Variants in RNFT2 observed in about 807,000 individuals in gnomAD.
The protein encoded by RNFT2 is E3 ubiquitin-protein ligase RNFT2.
Under a neutral mutation model 53.0 loss-of-function variants are expected in RNFT2, and 36 were observed. The ratio of observed to expected loss-of-function variants is 0.68; its 90% CI spans 0.52 to 0.90. RNFT2 has a LOEUF of 0.90. Among genes scored for constraint, RNFT2 ranks in the 40% least tolerant of loss-of-function variants. The probability of loss-of-function intolerance (pLI) is 0.00; values close to 1 mark genes in which losing one functional copy is unlikely to be tolerated. For synonymous variants in RNFT2, 260 were observed against 253.2 expected (o/e 1.03, Z -0.26); for missense variants, 514 against 585.6 (o/e 0.88, Z 1.26).
At position 116,845,564 on chromosome 12, in the gene RNFT2, A is replaced by G. The variant is rs185730655; in HGVS notation, c.1201-3750A>G. Among the ~76,000 whole-genome samples the G allele has an allele frequency of 3.0e-3, 456 of 152,180 alleles. 2 individuals are homozygous for G. The highest frequency in any genetic ancestry group is 0.01 in the African/African-American group (429 of 41,532). ...CCAGAGTGATACTAAAGTTGGTTGG[A>G]AGGCTGTGAATAAGCCATGGGTTGA... On this transcript the variant is annotated intron_variant, in intron 10 of 10. Coordinates refer to ENST00000257575, the MANE Select transcript of RNFT2 (RefSeq NM_001382266.1).
rs370637465 is a variant in RNFT2 at position 116,849,309 on chromosome 12, C to A, written c.1201-5C>A. ...CCTGGTGCCTGCTGATTGCTGTCCC[C>A]GCAGCACGTGTTCTGTGAGGAGTGC... On this transcript the variant is annotated splice_polypyrimidine_tract_variant and splice_region_variant and intron_variant, in intron 10 of 10. Coordinates refer to ENST00000257575, the MANE Select transcript of RNFT2 (RefSeq NM_001382266.1). The A allele has an allele frequency of 6.5e-7, 1 of 1,535,454 alleles. No homozygotes were observed. Among genetic ancestry groups the A allele is most frequent in the Non-Finnish European group, 8.7e-7 (1 of 1,142,990 alleles).
Position 116,813,502 on chromosome 12 carries a change from T to A in RNFT2, c.883-20290T>A, listed in dbSNP as rs1348208019. Among the ~76,000 whole-genome samples, 9 of 152,214 alleles carry A rather than the reference T, an allele frequency of 5.9e-5. No individual in the cohort carries two copies. In the South Asian group the frequency reaches 1.7e-3, roughly 28 times the overall value. On this transcript the variant is annotated intron_variant, in intron 7 of 10. Coordinates refer to ENST00000257575, the MANE Select transcript of RNFT2 (RefSeq NM_001382266.1). ...TAGATATCATTTCCACTTGGAAGTC[T>A]AAACTTGTGGTTGGGTGACTCACCT...
At chr12:116,784,423 T>A (rs1334635768) in intron 7 of RNFT2, among the ~76,000 whole-genome samples, 2 of 152,210 alleles carry the variant, frequency 1.3e-5, no homozygotes, top group East Asian at 3.9e-4. Context: ...CTGCACATGG[T>A]CATGTGCCTA....
At chr12:116,837,647 G>C (rs947408328) in intron 10 of RNFT2, among the ~76,000 whole-genome samples, 1 of 152,166 alleles carries the variant, frequency 6.6e-6, no homozygotes, top group Admixed American at 6.5e-5. Context: ...GAAGACTAAA[G>C]AGACATGATG....
At chr12:116,832,340 C>A (rs914342799) in intron 7 of RNFT2, among the ~76,000 whole-genome samples, 1 of 151,854 alleles carries the variant, frequency 6.6e-6, no homozygotes, top group Non-Finnish European at 1.5e-5. Context: ...TGACTGTCTT[C>A]TTTGATTCGA....
intron 10 of RNFT2, among the ~76,000 whole-genome samples, chr12:116,847,556 T>C (rs889365473): frequency 9.9e-5 from 15 of 151,538 alleles, no homozygotes; most frequent in African/African-American, 3.6e-4. Context: ...AGGCAGAGTT[T>C]TGCTCTCGTT....
chr12:116,804,478 T>C (rs77058857), intron 7 of RNFT2, among the ~76,000 whole-genome samples: 5,847 of 152,158 alleles, frequency 0.038, 179 homozygotes, highest in African/African-American at 0.075. Context: ...ATATGTAATA[T>C]TCTTTGGTTT....
At chr12:116,771,494 A>AAAT (rs1566076435) in intron 6 of RNFT2, among the ~76,000 whole-genome samples, 5 of 112,624 alleles carry the variant, frequency 4.4e-5, no homozygotes, top group African/African-American at 1.7e-4. Context: ...AAAAAAAAAA[A>AAAT]ATACGTATAT....
At chr12:116,750,548 G>A (rs1053020390) in intron 4 of RNFT2, among the ~76,000 whole-genome samples, 2 of 151,932 alleles carry the variant, frequency 1.3e-5, no homozygotes, top group Non-Finnish European at 2.9e-5. Flanking sequence ...GTGGGGGTTA[G>A]GATAGAAACT....
intron 4 of RNFT2, among the ~76,000 whole-genome samples, chr12:116,750,884 TATATATA>T (rs1351414379): frequency 0.41 from 2,044 of 4,954 alleles, 127 homozygotes; most frequent in Non-Finnish European, 0.47. Flanking sequence ...ATATATATTA[TATATATA>T]ATATATATAT....
Position 116,749,929 on chromosome 12 carries a change from G to T in RNFT2, c.172G>T (p.Ala58Ser), listed in dbSNP as rs1872096769. 2 of 1,580,646 alleles carry T rather than the reference G, an allele frequency of 1.3e-6. No homozygotes were observed. The highest frequency in any genetic ancestry group is 1.7e-6 in the Non-Finnish European group (2 of 1,163,440). The change falls in exon 4 of 11, where the codon GCG becomes TCG. Residue 58 changes from alanine to serine, a missense_variant. By Grantham distance (99) the Ala-to-Ser change is moderately conservative. Transcript: ENST00000257575. ...SLKAEAASPP[A>S]LFSGLSGSLP... is the part of the protein sequence containing the mutation. ...GAAGGCAGAGGCAGCCTCCCCACCA[G>T]CGCTCTTCTCGGGCTTATCAGGCAG...
chr12:116,798,712 G>A (rs916335242), intron 7 of RNFT2, among the ~76,000 whole-genome samples: 5 of 152,108 alleles, frequency 3.3e-5, no homozygotes, highest in Non-Finnish European at 1.5e-5. Flanking sequence ...GACCACAGAT[G>A]TGTGCCACCA....
intron 6 of RNFT2, among the ~76,000 whole-genome samples, chr12:116,777,811 T>G (rs759379827): frequency 6.6e-6 from 1 of 152,136 alleles, no homozygotes; most frequent in Non-Finnish European, 1.5e-5. Flanking sequence ...AGAGATAACT[T>G]TATTTGCCCA....
rs1877997667 is a variant in RNFT2, at chr12:116,852,955, A to G, written c.*3507A>G. On this transcript the variant is annotated 3_prime_UTR_variant, in exon 11 of 11. Transcript: ENST00000257575. ...TCTCTAACACTGCAAAGAGTGAGCC[A>G]TGCCTGTTAACACTGTAAAGAATGT... is the stretch of plus-strand genomic sequence containing the variant. 5.1e-6 allele frequency: 3 copies of G among 583,798 alleles called. No homozygotes were observed. The highest frequency in any genetic ancestry group is 3.0e-6 in the Non-Finnish European group (1 of 330,966). 36.2% of individuals were successfully genotyped at this position (583,798 alleles called of 1,614,324 possible). A position where few individuals can be genotyped will look rare whatever the true frequency, so the allele number is the denominator to read the frequency against.
In RNFT2 at chr12:116,740,676, A is replaced by G. The variant is rs1340131803; in HGVS notation, c.24+155A>G. On this transcript the variant is annotated intron_variant, in intron 2 of 10. Coordinates refer to ENST00000257575, the MANE Select transcript of RNFT2 (RefSeq NM_001382266.1). ...TTACTGATTTGTCTAGGGTCACAGC[A>G]AGTTAGCAGCAGCATCAACCCAGAA... 1.4e-5 allele frequency: 10 copies of G among 721,990 alleles called. No homozygotes were observed. The East Asian group carries it at 2.7e-4, about 20-fold the overall frequency. The allele number at this position is 721,990 out of a possible 1,614,324, so 44.7% of individuals were successfully genotyped here.
At chr12:116,739,871 G>A (rs764690298) in intron 1 of RNFT2, among the ~76,000 whole-genome samples, 25 of 152,202 alleles carry the variant, frequency 1.6e-4, no homozygotes, top group Non-Finnish European at 3.1e-4. Context: ...CCCCAATCAG[G>A]ACTCTTAGTT....
rs533778630 is a variant in RNFT2 at position 116,836,250 on chromosome 12, G to A, written c.1168G>A (p.Glu390Lys). 1.7e-5 allele frequency: 27 copies of A among 1,584,126 alleles called. 1 individual carries two copies. The highest frequency in any genetic ancestry group is 1.4e-4 in the South Asian group (12 of 86,484). The change falls in exon 10 of 11, where the codon GAG becomes AAG. Residue 390 changes from glutamate (E) to lysine (K), a missense_variant. By Grantham distance (56) the Glu-to-Lys change is moderately conservative (BLOSUM62 1). Transcript: ENST00000257575. ...AGDICAICQAEFREPLILLCQ... is the reference protein window; with the variant it reads ...AGDICAICQAKFREPLILLCQ... The stretch of plus-strand genomic sequence containing the variant: ...TGACATCTGCGCCATCTGTCAGGCC[G>A]AGTTCCGAGAGCCTCTGATTCTCCT...
At chr12:116,819,816 T>C (rs1466820529) in intron 7 of RNFT2, among the ~76,000 whole-genome samples, 1 of 151,980 alleles carries the variant, frequency 6.6e-6, no homozygotes, top group African/African-American at 2.4e-5. Context: ...TTTACAAACA[T>C]ATGTAATCAC....
chr12:116,778,421 A>G (rs76435913), intron 6 of RNFT2, among the ~76,000 whole-genome samples: 2,334 of 152,332 alleles, frequency 0.015, 72 homozygotes, highest in African/African-American at 0.053. Flanking sequence ...TATAAAGCCA[A>G]GACGCCCCTG....
Sources: allele counts gnomAD v4.1 joint callset (sites outside exome capture counted in the v4.1 genomes callset), GRCh38; gene constraint gnomAD v4.1.1; transcripts MANE v1.5; gene names NCBI Gene and HGNC (gene_info 2026-07-23, HGNC 2026-07-21).